MRTFB: variants seen among roughly 807,000 people sequenced by gnomAD.
The protein encoded by MRTFB is myocardin-related transcription factor B.
A neutral mutation model predicts 104.2 loss-of-function variants in MRTFB; 29 were observed. The observed-to-expected ratio is 0.28, with a 90% CI of 0.21 to 0.38. The LOEUF (loss-of-function observed/expected upper bound fraction) is 0.38. Among genes scored for constraint, MRTFB ranks in the 10% least tolerant of loss-of-function variants. The pLI, the probability that MRTFB is intolerant of heterozygous loss-of-function variation, is 1.00. For missense variants in MRTFB, 1,270 were observed against 1,341.6 expected (o/e 0.95, Z 0.83); for synonymous variants, 535 against 519.5 (o/e 1.03, Z -0.41).
At chr16:14,092,531 T>G (rs1458914409) in intron 2 of MRTFB, among the ~76,000 whole-genome samples, 1 of 152,212 alleles carries the variant, frequency 6.6e-6, no homozygotes, top group Non-Finnish European at 1.5e-5. Context: ...TTTTCTTTCC[T>G]TTTTTGTCCT....
the MRTFB span, among the ~76,000 whole-genome samples, chr16:14,034,681 G>C: frequency 2.0e-5 from 3 of 146,788 alleles, no homozygotes; most frequent in Non-Finnish European, 4.5e-5. Flanking sequence ...CTTTCTGTTT[G>C]TCTTTCTCTG....
At chr16:14,217,749 CTTA>C (rs2041489747) in intron 7 of MRTFB, among the ~76,000 whole-genome samples, 1 of 152,186 alleles carries the variant, frequency 6.6e-6, no homozygotes, top group Middle Eastern at 3.2e-3. Context: ...CTAAGTTAAA[CTTA>C]TTTAGTTTAA....
chr16:14,179,669 T>C (rs973987489), intron 3 of MRTFB, among the ~76,000 whole-genome samples: 1 of 152,198 alleles, frequency 6.6e-6, no homozygotes, highest in Admixed American at 6.5e-5. Context: ...TGAAATTCTT[T>C]AGTGGTTGAA....
At chr16:14,127,675 C>G (rs1813473225) in intron 2 of MRTFB, among the ~76,000 whole-genome samples, 1 of 150,360 alleles carries the variant, frequency 6.7e-6, no homozygotes, top group Non-Finnish European at 1.5e-5. Flanking sequence ...GACGAAAATC[C>G]CCTCTAGCCT....
intron 10 of MRTFB, among the ~76,000 whole-genome samples, chr16:14,243,579 C>T (rs978943570): frequency 6.6e-6 from 1 of 152,066 alleles, no homozygotes; most frequent in African/African-American, 2.4e-5. Flanking sequence ...GTGGGGATCT[C>T]GTTTTAATAC....
At chr16:14,089,765 G>C (rs188367365) in intron 2 of MRTFB, among the ~76,000 whole-genome samples, 99 of 152,254 alleles carry the variant, frequency 6.5e-4, no homozygotes, top group Admixed American at 4.6e-3. Context: ...CAACATTTGA[G>C]GGTTCCAATT....
At chr16:14,128,021 A>G (rs1015019977) in intron 2 of MRTFB, among the ~76,000 whole-genome samples, 6 of 144,720 alleles carry the variant, frequency 4.1e-5, no homozygotes, top group African/African-American at 7.5e-5. Flanking sequence ...TGCATGCAGT[A>G]AGTTTATTAC....
the MRTFB span, among the ~76,000 whole-genome samples, chr16:14,031,538 G>A: frequency 2.0e-5 from 3 of 152,044 alleles, no homozygotes; most frequent in African/African-American, 4.8e-5. Flanking sequence ...TGTCCTTTTA[G>A]CACATAGAAA....
chr16:14,140,177 A>G (rs2037921224), intron 2 of MRTFB, among the ~76,000 whole-genome samples: 1 of 152,244 alleles, frequency 6.6e-6, no homozygotes, highest in Non-Finnish European at 1.5e-5. Flanking sequence ...CTTGATATAT[A>G]GGAGTTAAGA....
At chr16:14,069,964 T>C (rs1189920289), upstream of MRTFB, among the ~76,000 whole-genome samples, 2 of 152,222 alleles carry the variant, frequency 1.3e-5, no homozygotes, top group African/African-American at 4.8e-5. Flanking sequence ...TGAGTGAGGT[T>C]GAAACATGCA....
At chr16:14,258,186 C>A (rs369768653) in intron 16 of MRTFB, 25 bp downstream of exon 16, 1 of 1,604,898 alleles carries the variant, frequency 6.2e-7, no homozygotes, top group Non-Finnish European at 8.5e-7. Flanking sequence ...ACATCAGATC[C>A]TCCCAGGAAG....
At chr16:14,243,662 T>G (rs1213840597) in intron 10 of MRTFB, among the ~76,000 whole-genome samples, 1 of 152,162 alleles carries the variant, frequency 6.6e-6, no homozygotes, top group Admixed American at 6.5e-5. Context: ...CAACTTCTTT[T>G]AAGTAAGCTT....
intron 2 of MRTFB, among the ~76,000 whole-genome samples, chr16:14,117,885 T>C (rs2036623413): frequency 6.6e-6 from 1 of 152,204 alleles, no homozygotes; most frequent in South Asian, 2.1e-4. Context: ...TTGGTAAATT[T>C]CAGCCTCTTC....
chr16:14,260,497 G>T (rs1406914541), intron 16 of MRTFB, among the ~76,000 whole-genome samples: 1 of 152,006 alleles, frequency 6.6e-6, no homozygotes, highest in African/African-American at 2.4e-5. Flanking sequence ...TTCATAGGAT[G>T]ATATGAGCCC....
the MRTFB span, among the ~76,000 whole-genome samples, chr16:14,034,304 G>A: frequency 2.6e-5 from 4 of 152,142 alleles, no homozygotes; most frequent in Admixed American, 2.6e-4. Flanking sequence ...AGCCCCAGGT[G>A]TCCCTTGGAT....
intron 3 of MRTFB, among the ~76,000 whole-genome samples, chr16:14,199,208 C>T (rs2040573350): frequency 6.6e-6 from 1 of 152,216 alleles, no homozygotes; most frequent in African/African-American, 2.4e-5. Flanking sequence ...CTTACACACA[C>T]CCTCCTGGTT....
At position 14,247,320 on chromosome 16, in the gene MRTFB, G is replaced by A; in HGVS notation, c.2060G>A (p.Gly687Asp). 1 of 1,614,174 alleles carries A rather than the reference G, an allele frequency of 6.2e-7. No individual in the cohort carries two copies. ...GTTATCAAGCAAGAGGTCCCTGTGG[G>A]CCAGGCAGAGCAGCAGAGTGTCGTC... ...AVVIKQEVPVGQAEQQSVVSQ... is the reference protein window; with the variant it reads ...AVVIKQEVPVDQAEQQSVVSQ... The change falls in exon 12 of 17, where the codon GGC becomes GAC. Residue 687 changes from glycine (G) to aspartate (D), a missense_variant. Transcript: ENST00000571589.
intron 1 of MRTFB, among the ~76,000 whole-genome samples, chr16:14,075,740 C>T (rs2034002347): frequency 6.6e-6 from 1 of 152,174 alleles, no homozygotes; most frequent in African/African-American, 2.4e-5. Flanking sequence ...TAATCATATA[C>T]TTTGGCTCGA....
Position 14,177,924 on chromosome 16 carries a change from G to GTA in MRTFB, c.155-32318_155-32317insAT, listed in dbSNP as rs1484248632. 6.6e-6 allele frequency among the ~76,000 whole-genome samples: 1 copy of GTA among 151,614 alleles called. No homozygotes were observed. The highest frequency in any genetic ancestry group is 1.5e-5 in the Non-Finnish European group (1 of 67,932). The stretch of plus-strand genomic sequence containing the variant: ...GTAGGGTGTGTGTGTGTGTGTGTGT[G>GTA]TGTGTGTGTGTGCACGCATTGGTGG... On this transcript the variant is annotated intron_variant, in intron 3 of 16. Coordinates refer to ENST00000571589, the MANE Select transcript of MRTFB (RefSeq NM_001308142.2). This position sits in a 1 kb window ranked among gnomAD's most constrained non-coding sequence, Gnocchi z 4.7.
Sources: gnomAD v4.1 joint callset for allele counts (sites outside exome capture counted in the v4.1 genomes callset) on GRCh38, gnomAD v4.1.1 for gene constraint, Gnocchi (gnomAD v3.1) non-coding constraint, MANE v1.5 for transcripts, NCBI Gene and HGNC (gene_info 2026-07-23, HGNC 2026-07-21) for gene names.